The following VPS13C variants were observed in gnomAD, a reference collection of about 807,000 sequenced individuals.
VPS13C encodes the protein vacuolar protein sorting 13 homolog C.
In VPS13C, 358 loss-of-function variants were observed where a neutral mutation model predicts 456.8. The observed-to-expected ratio is 0.78, with a 90% CI of 0.72 to 0.86. VPS13C has a LOEUF of 0.86. VPS13C is among the 40% of genes least tolerant of loss of function. VPS13C has a pLI of 0.00. For missense variants in VPS13C, 4,818 were observed against 4,385.4 expected (o/e 1.10, Z -2.79); for synonymous variants, 1,578 against 1,486.7 (o/e 1.06, Z -1.41).
At chr15:62,052,404 G>A (rs898871867) in intron 1 of VPS13C, among the ~76,000 whole-genome samples, 2 of 151,886 alleles carry the variant, frequency 1.3e-5, no homozygotes, top group Non-Finnish European at 2.9e-5. Flanking sequence ...GGCCTGGTGC[G>A]GTGACTCACG....
At chr15:61,890,072 C>A in intron 67 of VPS13C, 93 bp downstream of exon 67, 1 of 1,205,996 alleles carries the variant, frequency 8.3e-7, no homozygotes, top group Non-Finnish European at 1.2e-6. Flanking sequence ...ATACCAAAGT[C>A]AAACCAGGTA....
chr15:61,961,933 T>C, intron 34 of VPS13C, 40 bp from the exon 35 acceptor site: 1 of 1,554,222 alleles, frequency 6.4e-7, no homozygotes, highest in Non-Finnish European at 8.7e-7. Flanking sequence ...TCAAAGAGAA[T>C]ACAGGCACAT....
chr15:61,864,847 T>G (rs1290910411), intron 81 of VPS13C: 2 of 978,974 alleles, frequency 2.0e-6, no homozygotes, highest in African/African-American at 3.5e-5. Flanking sequence ...GGAAATGAAT[T>G]TAATAATGTA....
Position 61,990,996 on chromosome 15 carries a change from T to C in VPS13C, c.1578+4A>G. On this transcript the variant is annotated splice_donor_region_variant and intron_variant, in intron 18 of 84. Transcript: ENST00000644861. ...AAATTCCTTTAAACCACTTAAATAA[T>C]TACCTGCTTAGGTAAAGTTAGGTTG... 1 of 1,601,500 alleles carries C rather than the reference T, an allele frequency of 6.2e-7. No homozygotes were observed.
intron 10 of VPS13C, 57 bp from the exon 11 acceptor site, chr15:62,013,176 T>C (rs908418857): frequency 2.1e-5 from 27 of 1,304,210 alleles, no homozygotes; most frequent in Non-Finnish European, 2.9e-5. Flanking sequence ...TATGAATCAA[T>C]ATTAAAAGAT....
chr15:61,947,921 A>C (rs757057865), intron 42 of VPS13C, among the ~76,000 whole-genome samples: 2 of 152,214 alleles, frequency 1.3e-5, no homozygotes, highest in African/African-American at 2.4e-5. Flanking sequence ...TGTGTGCATA[A>C]GAATCACAAT....
chr15:61,873,484 A>C (rs1895181718), intron 77 of VPS13C, 75 bp from the exon 78 acceptor site: 1 of 1,424,592 alleles, frequency 7.0e-7, no homozygotes, highest in African/African-American at 1.4e-5. Flanking sequence ...GAAAACAAAT[A>C]ATCTGATTTT....
In VPS13C at chr15:61,921,995, T is replaced by C. The variant is rs1178866621; in HGVS notation, c.7014A>G (p.Pro2338=). The C allele has an allele frequency of 6.2e-7, 1 of 1,613,708 alleles. No homozygotes were observed. Among genetic ancestry groups the C allele is most frequent in the East Asian group, 2.2e-5 (1 of 44,846 alleles). Residue 2338 remains proline (P), a synonymous_variant, in exon 55 of 85, where the codon CCA becomes CCG. Transcript: ENST00000644861. ...YYNEIHAVWE[P]LIERVEGKRQ... ...TCTTCCCCTCCACTCTCTCAATCAG[T>C]GGCTCCCAGACAGCATGGATCTCAT...
chr15:61,959,447 C>A lies in VPS13C; in HGVS notation c.4056+1G>T. The A allele has an allele frequency of 6.2e-7, 1 of 1,608,480 alleles. No individual in the cohort carries two copies. Among genetic ancestry groups the A allele is most frequent in the Non-Finnish European group, 8.5e-7 (1 of 1,176,498 alleles). On this transcript the variant is annotated splice_donor_variant, in intron 36 of 84. Coordinates refer to ENST00000644861, the MANE Select transcript of VPS13C (RefSeq NM_020821.3). LOFTEE classifies it high-confidence loss of function. ...AGTTTTTTCTTCACTCATATACTTA[C>A]ATTCATTGAATCAAGATGTCCTTTA...
intron 16 of VPS13C, among the ~76,000 whole-genome samples, chr15:61,999,379 C>T: frequency 8.6e-6 from 1 of 116,076 alleles, no homozygotes; most frequent in Admixed American, 9.0e-5. Flanking sequence ...GACTCCATCT[C>T]AAAAAAAAAA....
intron 1 of VPS13C, among the ~76,000 whole-genome samples, chr15:62,059,711 A>G (rs1421258366): frequency 6.6e-6 from 1 of 152,218 alleles, no homozygotes; most frequent in East Asian, 1.9e-4. Context: ...GAAAGCATTA[A>G]GAGTAAGAAT....
intron 40 of VPS13C, among the ~76,000 whole-genome samples, chr15:61,950,629 T>C (rs1383678931): frequency 6.6e-6 from 1 of 151,788 alleles, no homozygotes; most frequent in African/African-American, 2.4e-5. Flanking sequence ...CTCTAATTCC[T>C]TATCCTACTG....
intron 5 of VPS13C, among the ~76,000 whole-genome samples, chr15:62,032,019 ATTTGT>A: frequency 6.6e-6 from 1 of 152,020 alleles, no homozygotes; most frequent in East Asian, 1.9e-4. Flanking sequence ...GGAGCTTAAG[ATTTGT>A]TTCTAAATAA....
At chr15:61,954,625 T>C (rs911936426) in intron 37 of VPS13C, 71 bp from the exon 38 acceptor site, 40 of 1,453,592 alleles carry the variant, frequency 2.8e-5, no homozygotes, top group Admixed American at 1.2e-4. Context: ...TGTGGACTTA[T>C]ATGAGTATTC....
At chr15:62,018,478 TGA>T (rs1339170438) in intron 9 of VPS13C, among the ~76,000 whole-genome samples, 1 of 151,808 alleles carries the variant, frequency 6.6e-6, no homozygotes, top group African/African-American at 2.4e-5. Context: ...CCTAATCTAT[TGA>T]GAGTTTTTAG....
intron 18 of VPS13C, among the ~76,000 whole-genome samples, chr15:61,985,779 G>A (rs2046030136): frequency 6.6e-6 from 1 of 152,042 alleles, no homozygotes; most frequent in Non-Finnish European, 1.5e-5. Flanking sequence ...CAAGACTGGA[G>A]GTAAAACAGA....
rs2043509127 is a variant in VPS13C at position 61,917,476 on chromosome 15, A to G, written c.7920T>C (p.Asn2640=). ...TCAATTCATCAGGCAGAGCAACTGT[A>G]TTCACTATGAGAGGTAAGAAGCTGA... ...VEVSFLPLIV[N]TVALPDELSY... The change falls in exon 60 of 85, where the codon AAT becomes AAC. Residue 2640 remains asparagine, a synonymous_variant. Coordinates refer to ENST00000644861, the MANE Select transcript of VPS13C (RefSeq NM_020821.3). 1.9e-6 allele frequency: 3 copies of G among 1,614,094 alleles called. No individual in the cohort carries two copies. The highest frequency in any genetic ancestry group is 1.7e-6 in the Non-Finnish European group (2 of 1,179,940).
intron 42 of VPS13C, 144 bp from the exon 43 acceptor site, chr15:61,947,453 T>G (rs1486958533): frequency 9.4e-6 from 5 of 534,112 alleles, no homozygotes; most frequent in Non-Finnish European, 1.6e-5. Flanking sequence ...GTAATTAACA[T>G]AAATTTTGGA....
At chr15:61,900,181 C>A (rs1284408456) in intron 66 of VPS13C, among the ~76,000 whole-genome samples, 2 of 152,132 alleles carry the variant, frequency 1.3e-5, no homozygotes, top group African/African-American at 4.8e-5. Flanking sequence ...AAACTGGAAG[C>A]ATTCCCTTTG....
Sources: gnomAD v4.1 joint callset for allele counts (sites outside exome capture counted in the v4.1 genomes callset) on GRCh38, gnomAD v4.1.1 for gene constraint, MANE v1.5 for transcripts, NCBI Gene and HGNC (gene_info 2026-07-23, HGNC 2026-07-21) for gene names.